Variants in ABLIM1 observed in about 807,000 individuals in gnomAD.
ABLIM1 encodes the protein actin binding LIM protein 1, also known as actin-binding LIM protein 1.
A neutral mutation model predicts 107.0 loss-of-function variants in ABLIM1; 40 were observed. The observed-to-expected ratio is 0.37, with a 90% CI of 0.29 to 0.49. ABLIM1 has a LOEUF of 0.49. Ranked by LOEUF, ABLIM1 falls within the 20% of genes least tolerant of loss-of-function variation. ABLIM1 has a pLI of 0.97. For missense variants in ABLIM1, 857 were observed against 1,008.5 expected (o/e 0.85, Z 2.04); for synonymous variants, 357 against 357.3 (o/e 1.00, Z 0.01).
chr10:114,785,580 G>A, the ABLIM1 span, among the ~76,000 whole-genome samples: 5 of 151,446 alleles, frequency 3.3e-5, no homozygotes, highest in African/African-American at 1.2e-4. Context: ...GATAATTGAG[G>A]TCCTATTTTT....
At position 114,453,407 on chromosome 10, in the gene ABLIM1, A is replaced by G. The variant is rs1237064626; in HGVS notation, c.1518T>C (p.Ala506=). 6.2e-7 allele frequency: 1 copy of G among 1,614,066 alleles called. No individual in the cohort carries two copies. Among genetic ancestry groups the G allele is most frequent in the East Asian group, 2.2e-5 (1 of 44,874 alleles). The change falls in exon 13 of 23, where the codon GCT becomes GCC. Residue 506 remains alanine (A), a synonymous_variant. Coordinates refer to ENST00000533213, the MANE Select transcript of ABLIM1 (RefSeq NM_002313.7). ...PDSRPLTPTY[A]QAPKHFHVPD... is the part of the protein sequence containing the mutation. ...GAACATGGAAATGTTTAGGGGCCTGAGCGTAAGTTGGAGTTAGAGGGCGGC... is the reference window on the plus strand; with the variant it reads ...GAACATGGAAATGTTTAGGGGCCTGGGCGTAAGTTGGAGTTAGAGGGCGGC...
At chr10:114,523,108 A>C (rs949626414) in intron 6 of ABLIM1, among the ~76,000 whole-genome samples, 5 of 152,098 alleles carry the variant, frequency 3.3e-5, no homozygotes, top group African/African-American at 1.2e-4. Context: ...CCAAGATTGC[A>C]CCACTGCACT....
At chr10:114,634,486 T>A (rs1273313093) in intron 1 of ABLIM1, among the ~76,000 whole-genome samples, 2 of 152,180 alleles carry the variant, frequency 1.3e-5, no homozygotes, top group African/African-American at 4.8e-5. Context: ...TTAAGTTTAC[T>A]AACCAAATTG....
chr10:114,484,644 A>G (rs1324583521), intron 8 of ABLIM1, among the ~76,000 whole-genome samples: 3 of 152,084 alleles, frequency 2.0e-5, no homozygotes, highest in African/African-American at 7.2e-5. Context: ...CGGTCTCCCA[A>G]AGTGCTGGGA....
At chr10:114,657,527 C>T (rs748161140) in intron 1 of ABLIM1, among the ~76,000 whole-genome samples, 3 of 152,158 alleles carry the variant, frequency 2.0e-5, no homozygotes, top group Non-Finnish European at 4.4e-5. Flanking sequence ...TTTCACAAGA[C>T]GAGCCCTCCC....
intron 1 of ABLIM1, 73 bp from the exon 2 acceptor site, chr10:114,602,034 G>A: frequency 6.3e-7 from 1 of 1,585,512 alleles, no homozygotes; most frequent in South Asian, 1.1e-5. Flanking sequence ...TGGTATCTCT[G>A]TAATTTTGGT....
intron 1 of ABLIM1, among the ~76,000 whole-genome samples, chr10:114,676,139 G>A (rs2080471557): frequency 6.6e-6 from 1 of 152,114 alleles, no homozygotes; most frequent in Admixed American, 6.6e-5. Context: ...GGGGCAAGAC[G>A]ACTTCTCAAG....
chr10:114,564,406 C>T (rs748763083), intron 4 of ABLIM1, among the ~76,000 whole-genome samples: 10 of 151,634 alleles, frequency 6.6e-5, no homozygotes, highest in African/African-American at 1.5e-4. Flanking sequence ...CTGGGACTAC[C>T]GGCGCGTGCA....
chr10:114,636,385 A>T (rs2078481384), intron 1 of ABLIM1, among the ~76,000 whole-genome samples: 1 of 152,130 alleles, frequency 6.6e-6, no homozygotes, highest in Non-Finnish European at 1.5e-5. Context: ...TAAGCTATCT[A>T]TTTCTTTCTA....
At chr10:114,737,834 G>C (rs1010312289) in intron 1 of ABLIM1, among the ~76,000 whole-genome samples, 1 of 152,050 alleles carries the variant, frequency 6.6e-6, no homozygotes, top group Non-Finnish European at 1.5e-5. Flanking sequence ...GGAAATTAAT[G>C]TTTCACCAGC....
intron 8 of ABLIM1, among the ~76,000 whole-genome samples, chr10:114,485,912 C>T (rs141221153): frequency 5.5e-4 from 84 of 152,316 alleles, no homozygotes; most frequent in African/African-American, 1.9e-3. Flanking sequence ...CTGTTCAAAA[C>T]GTATTCCCTT....
the ABLIM1 span, among the ~76,000 whole-genome samples, chr10:114,773,703 CAGAG>C: frequency 6.6e-6 from 1 of 152,084 alleles, no homozygotes; most frequent in African/African-American, 2.4e-5. Flanking sequence ...GCCTGGGCTA[CAGAG>C]AGAGACTCCG....
At chr10:114,779,943 C>T in the ABLIM1 span, 2 of 151,880 alleles carry the variant, frequency 1.3e-5, no homozygotes, top group Admixed American at 1.3e-4. Flanking sequence ...GACTCACATC[C>T]TGCCTTCCAG....
At chr10:114,544,421 G>A (rs913877633) in intron 6 of ABLIM1, among the ~76,000 whole-genome samples, 2 of 152,214 alleles carry the variant, frequency 1.3e-5, no homozygotes, top group Non-Finnish European at 2.9e-5. Context: ...CCTGTGTGGC[G>A]GCTGCTGAGA....
At chr10:114,529,097 T>C (rs566078337) in intron 6 of ABLIM1, among the ~76,000 whole-genome samples, 1 of 151,468 alleles carries the variant, frequency 6.6e-6, no homozygotes, top group South Asian at 2.1e-4. Flanking sequence ...GCGTCAGAAT[T>C]AGGCTCACTA....
intron 12 of ABLIM1, among the ~76,000 whole-genome samples, chr10:114,459,391 G>A (rs914351932): frequency 1.3e-5 from 2 of 152,214 alleles, no homozygotes; most frequent in South Asian, 4.1e-4. Context: ...AATGGCCATA[G>A]GCTCCCCCCA....
At chr10:114,745,426 T>C (rs1387437634) in intron 1 of ABLIM1, among the ~76,000 whole-genome samples, 2 of 150,734 alleles carry the variant, frequency 1.3e-5, no homozygotes, top group Non-Finnish European at 2.9e-5. Flanking sequence ...CCAGGCATGG[T>C]GGCATGTGCC....
intron 1 of ABLIM1, among the ~76,000 whole-genome samples, chr10:114,748,955 G>A (rs752554037): frequency 2.6e-5 from 4 of 152,136 alleles, no homozygotes. Context: ...TTATAGCCAT[G>A]AGCCATCTCA....
At chr10:114,553,362 T>TG (rs1311103348) in intron 4 of ABLIM1, among the ~76,000 whole-genome samples, 1 of 152,212 alleles carries the variant, frequency 6.6e-6, no homozygotes, top group Non-Finnish European at 1.5e-5. Flanking sequence ...CTTAGTGTCT[T>TG]GGAATTTTTG....
Sources: gnomAD v4.1 joint callset for allele counts (sites outside exome capture counted in the v4.1 genomes callset) on GRCh38, gnomAD v4.1.1 for gene constraint, MANE v1.5 for transcripts, NCBI Gene and HGNC (gene_info 2026-07-23, HGNC 2026-07-21) for gene names.